Variants in ATIC observed in about 807,000 individuals in gnomAD.
The protein encoded by ATIC is bifunctional purine biosynthesis protein ATIC.
In ATIC, 64 loss-of-function variants were observed where a neutral mutation model predicts 72.5. That is an observed-to-expected ratio of 0.88 (90% CI 0.72 to 1.09). The LOEUF (loss-of-function observed/expected upper bound fraction) is 1.09. Among genes scored for constraint, ATIC ranks in the 50% least tolerant of loss-of-function variants. The pLI, the probability that ATIC is intolerant of heterozygous loss-of-function variation, is 0.00. For missense variants in ATIC, 787 were observed against 732.4 expected, an observed-to-expected ratio of 1.07 and a Z score of -0.86; for synonymous variants, 281 against 267.1, an observed-to-expected ratio of 1.05 and a Z score of -0.51.
intron 4 of ATIC, among the ~76,000 whole-genome samples, chr2:215,323,683 T>C (rs1403533684): frequency 6.6e-6 from 1 of 152,226 alleles, no homozygotes; most frequent in East Asian, 1.9e-4. Context: ...TTTCCAGTCC[T>C]GATGCCTTTT....
At chr2:215,368,047 A>G in the ATIC span, 3 of 1,613,812 alleles carry the variant, frequency 1.9e-6, no homozygotes, top group Non-Finnish European at 2.5e-6. Context: ...AAAGGAAGAA[A>G]AAGCAAAAAG....
intron 7 of ATIC, among the ~76,000 whole-genome samples, chr2:215,327,350 C>T (rs2106009328): frequency 6.6e-6 from 1 of 152,224 alleles, no homozygotes; most frequent in African/African-American, 2.4e-5. Flanking sequence ...GAAATTCCAA[C>T]CTTTTAGAAT....
downstream of ATIC, among the ~76,000 whole-genome samples, chr2:215,351,609 C>A (rs2053131255): frequency 1.3e-5 from 2 of 152,128 alleles, no homozygotes; most frequent in African/African-American, 2.4e-5. Flanking sequence ...TTTTAATTAG[C>A]TGGGCATGGT....
intron 2 of ATIC, among the ~76,000 whole-genome samples, chr2:215,317,457 TCAC>T (rs2052721925): frequency 6.6e-6 from 1 of 152,318 alleles, no homozygotes; most frequent in African/African-American, 2.4e-5. Context: ...TTTTATGTCT[TCAC>T]TCACTTGATA....
At position 215,336,140 on chromosome 2, in the gene ATIC, GTTTGA is replaced by G; in HGVS notation, c.1098+17_1098+21del. ...TGTCCTTCAGGTGAGTGCAATTCAT[GTTTGA>G]AGCGGTAATTTGCTCTTTTATTCTG... On this transcript the variant is annotated intron_variant, in intron 11 of 15. Coordinates refer to ENST00000236959, the MANE Select transcript of ATIC (RefSeq NM_004044.7). The G allele has an allele frequency of 4.5e-6, 7 of 1,566,000 alleles. No individual in the cohort carries two copies. Among genetic ancestry groups the G allele is most frequent in the Non-Finnish European group, 6.2e-6 (7 of 1,136,570 alleles).
intron 2 of ATIC, among the ~76,000 whole-genome samples, chr2:215,314,968 A>G (rs1182368082): frequency 6.6e-6 from 1 of 152,216 alleles, no homozygotes; most frequent in Admixed American, 6.5e-5. Flanking sequence ...CAGAGGAAAA[A>G]CCATCCATTT....
At chr2:215,365,306 A>C in the ATIC span, among the ~76,000 whole-genome samples, 1 of 152,198 alleles carries the variant, frequency 6.6e-6, no homozygotes, top group East Asian at 1.9e-4. Flanking sequence ...CAAGTGCTAA[A>C]GTGTCCTGTA....
At chr2:215,342,086 C>T (rs1001952237) in intron 12 of ATIC, among the ~76,000 whole-genome samples, 1 of 152,160 alleles carries the variant, frequency 6.6e-6, no homozygotes, top group East Asian at 1.9e-4. Context: ...GATCCAGTTA[C>T]CTCCACCTAG....
chr2:215,349,152 A>G lies in ATIC; in HGVS notation c.1562A>G (p.Glu521Gly), dbSNP rs1000679784. The change falls in exon 15 of 16, where the codon GAG (glutamate) becomes GGG (glycine). Residue 521 changes from glutamate to glycine, a missense_variant. Physicochemically the swap from Glu to Gly is moderately conservative, Grantham distance 98 (BLOSUM62 -2). Transcript: ENST00000236959. ...GAGGAAGTCCCTGAGTTACTCACTGAGGCAGAGAAGAAGGAATGGGTTGAG... is the reference window on the plus strand; with the variant it reads ...GAGGAAGTCCCTGAGTTACTCACTGGGGCAGAGAAGAAGGAATGGGTTGAG... ...LFEEVPELLT[E>G]AEKKEWVEKL... 8 of 1,614,008 alleles carry G rather than the reference A, an allele frequency of 5.0e-6. No individual in the cohort carries two copies. The highest frequency in any genetic ancestry group is 6.8e-6 in the Non-Finnish European group (8 of 1,180,006).
the ATIC span, among the ~76,000 whole-genome samples, chr2:215,365,211 C>T: frequency 2.0e-5 from 3 of 152,282 alleles, no homozygotes; most frequent in South Asian, 6.2e-4. Context: ...AGATGGAAAT[C>T]ATATTTTAAA....
intron 8 of ATIC, 148 bp downstream of exon 8, chr2:215,332,655 A>G (rs1198414151): frequency 2.0e-6 from 2 of 1,021,598 alleles, no homozygotes; most frequent in Non-Finnish European, 2.8e-6. Flanking sequence ...ATGTAATAAT[A>G]TAAAATCTGA....
chr2:215,332,271 C>T (rs1322462129), intron 7 of ATIC, 111 bp from the exon 8 acceptor site: 6 of 1,466,852 alleles, frequency 4.1e-6, no homozygotes, highest in Non-Finnish European at 4.7e-6. Flanking sequence ...CTGTTTGGCT[C>T]TTAATTATAC....
intron 4 of ATIC, among the ~76,000 whole-genome samples, chr2:215,320,670 C>T (rs573525600): frequency 1.3e-5 from 2 of 152,236 alleles, no homozygotes; most frequent in Admixed American, 1.3e-4. Context: ...ACCTCTGCCT[C>T]CTGTGTTCAA....
At chr2:215,358,610 T>C in the ATIC span, among the ~76,000 whole-genome samples, 6 of 152,244 alleles carry the variant, frequency 3.9e-5, no homozygotes, top group African/African-American at 1.4e-4. Context: ...CTATGCTATT[T>C]GCTGAGAAAT....
the ATIC span, chr2:215,360,544 AAGAATTACAATGGTT>A: frequency 2.0e-5 from 3 of 152,244 alleles, no homozygotes; most frequent in African/African-American, 7.2e-5. Flanking sequence ...GGAAGAAGGG[AAGAATTACAATGGTT>A]AGAAAAGAGC....
rs927009623 is a variant in ATIC at position 215,347,364 on chromosome 2, C to T, written c.1503+423C>T. On this transcript the variant is annotated intron_variant, in intron 14 of 15. Coordinates refer to ENST00000236959, the MANE Select transcript of ATIC (RefSeq NM_004044.7). ...ACGGCAGGTAACCCTGGGGTCTTCT[C>T]CCACCACATTTTCTACATGTGCCAT... The T allele has an allele frequency of 1.6e-5, 6 of 371,402 alleles. No individual in the cohort carries two copies. The Admixed American group carries it at 2.3e-4, about 14-fold the overall frequency. The allele number at this position is 371,402 out of a possible 1,614,324, so 23.0% of individuals were successfully genotyped here. A position where few individuals can be genotyped will look rare whatever the true frequency, so the allele number is the denominator to read the frequency against.
chr2:215,333,103 G>A (rs1000552584), intron 8 of ATIC, among the ~76,000 whole-genome samples: 1 of 152,130 alleles, frequency 6.6e-6, no homozygotes, highest in Non-Finnish European at 1.5e-5. Flanking sequence ...TCACCTACAC[G>A]CTGGGTACTG....
At chr2:215,346,107 CAA>C (rs1281139514) in intron 13 of ATIC, among the ~76,000 whole-genome samples, 1 of 152,158 alleles carries the variant, frequency 6.6e-6, no homozygotes, top group African/African-American at 2.4e-5. Context: ...CTGGGGCAAA[CAA>C]AAGACTTTCA....
intron 9 of ATIC, among the ~76,000 whole-genome samples, chr2:215,334,287 G>T (rs1439425281): frequency 6.9e-6 from 1 of 145,220 alleles, no homozygotes. Flanking sequence ...TCCACCTCCT[G>T]GGTTCAAGCG....
Sources: allele counts gnomAD v4.1 joint callset (sites outside exome capture counted in the v4.1 genomes callset), GRCh38; gene constraint gnomAD v4.1.1; transcripts MANE v1.5; gene names NCBI Gene and HGNC (gene_info 2026-07-23, HGNC 2026-07-21).